The following MALRD1 variants were observed in gnomAD, a reference collection of about 807,000 sequenced individuals.
The protein encoded by MALRD1 is MAM and LDL receptor class A domain containing 1.
A neutral mutation model predicts 242.1 loss-of-function variants in MALRD1; 247 were observed. That is an observed-to-expected ratio of 1.02 (90% confidence interval 0.92 to 1.13). MALRD1 has a LOEUF of 1.13. MALRD1 is among the 50% of genes most tolerant of loss of function. MALRD1 has a pLI of 0.00. For synonymous variants in MALRD1, 995 were observed against 866.6 expected, an observed-to-expected ratio of 1.15 and a Z score of -2.60; for missense variants, 2,989 against 2,533.1, an observed-to-expected ratio of 1.18 and a Z score of -3.86.
chr10:19,404,345 A>T (rs184101105), intron 28 of MALRD1, among the ~76,000 whole-genome samples: 92 of 152,128 alleles, frequency 6.0e-4, no homozygotes, highest in African/African-American at 2.1e-3. Context: ...CGTACTTAAA[A>T]TTTTTTTATG....
At chr10:19,508,953 A>G (rs1833272241) in intron 31 of MALRD1, among the ~76,000 whole-genome samples, 1 of 152,174 alleles carries the variant, frequency 6.6e-6, no homozygotes, top group Admixed American at 6.5e-5. Flanking sequence ...AAATTTACAC[A>G]CTTGCAGCAA....
chr10:19,537,006 A>G (rs1834714428), intron 32 of MALRD1, among the ~76,000 whole-genome samples: 1 of 152,104 alleles, frequency 6.6e-6, no homozygotes, highest in South Asian at 2.1e-4. Flanking sequence ...CTGGAGAAAA[A>G]CTGCTCTAAG....
At chr10:19,104,542 G>A (rs1265285105) in intron 5 of MALRD1, among the ~76,000 whole-genome samples, 2 of 151,804 alleles carry the variant, frequency 1.3e-5, no homozygotes, top group Non-Finnish European at 2.9e-5. Flanking sequence ...TATTTATATT[G>A]TTCCTTTGAT....
chr10:19,209,035 G>A (rs1448480634), intron 17 of MALRD1, among the ~76,000 whole-genome samples: 1 of 152,016 alleles, frequency 6.6e-6, no homozygotes, highest in Admixed American at 6.6e-5. Context: ...GGAAAAAAGT[G>A]TCCAAAGCAA....
chr10:19,366,622 GA>G (rs1845123206), intron 26 of MALRD1, among the ~76,000 whole-genome samples: 1 of 139,650 alleles, frequency 7.2e-6, no homozygotes, highest in African/African-American at 2.5e-5. Flanking sequence ...TTAAATTAAT[GA>G]ATAGCATTTT....
intron 29 of MALRD1, among the ~76,000 whole-genome samples, chr10:19,458,881 G>A (rs1055085936): frequency 2.1e-5 from 3 of 144,714 alleles, no homozygotes; most frequent in Non-Finnish European, 4.5e-5. Context: ...TTTTAGATAT[G>A]TATAGTTGAG....
chr10:19,392,814 C>G (rs4307628), intron 28 of MALRD1, among the ~76,000 whole-genome samples: 133,259 of 152,254 alleles, frequency 0.88, 58,555 homozygotes, highest in African/African-American at 0.92. Flanking sequence ...GTTTTTTGAA[C>G]GAATAACAAT....
At chr10:19,163,450 A>G (rs866370388) in intron 12 of MALRD1, among the ~76,000 whole-genome samples, 1 of 151,204 alleles carries the variant, frequency 6.6e-6, no homozygotes, top group Non-Finnish European at 1.5e-5. Context: ...GGAGCTAAAT[A>G]ATAAGAACAA....
chr10:19,199,182 C>A (rs1041079604), intron 14 of MALRD1, among the ~76,000 whole-genome samples: 118 of 151,760 alleles, frequency 7.8e-4, no homozygotes, highest in African/African-American at 2.8e-3. Flanking sequence ...AAAAAAAAAT[C>A]TTTAAAGGAA....
intron 5 of MALRD1, among the ~76,000 whole-genome samples, chr10:19,117,089 T>A (rs1268624192): frequency 7.0e-6 from 1 of 141,926 alleles, no homozygotes; most frequent in African/African-American, 2.7e-5. Flanking sequence ...AGTGAGACTC[T>A]GTCTCAAAAA....
At chr10:19,552,799 A>G (rs1835545381) in intron 32 of MALRD1, among the ~76,000 whole-genome samples, 1 of 152,106 alleles carries the variant, frequency 6.6e-6, no homozygotes, top group African/African-American at 2.4e-5. Flanking sequence ...CTTATACACA[A>G]TAAACATCAA....
intron 26 of MALRD1, among the ~76,000 whole-genome samples, chr10:19,377,078 A>G (rs1234754954): frequency 6.6e-6 from 1 of 152,222 alleles, no homozygotes; most frequent in East Asian, 1.9e-4. Context: ...AATGCAAACT[A>G]TAACATATTA....
chr10:19,277,156 G>A (rs1262966758), intron 19 of MALRD1, among the ~76,000 whole-genome samples: 1 of 151,966 alleles, frequency 6.6e-6, no homozygotes, highest in African/African-American at 2.4e-5. Context: ...AAAATCCTGA[G>A]TTCAAGTGAT....
intron 36 of MALRD1, among the ~76,000 whole-genome samples, chr10:19,637,956 C>T (rs1215491276): frequency 6.6e-6 from 1 of 151,666 alleles, no homozygotes; most frequent in Non-Finnish European, 1.5e-5. Flanking sequence ...CAAAAATTAG[C>T]CAGGTGTGGT....
chr10:19,134,883 T>C (rs1833273859), intron 9 of MALRD1, among the ~76,000 whole-genome samples: 1 of 152,080 alleles, frequency 6.6e-6, no homozygotes, highest in African/African-American at 2.4e-5. Context: ...GCCTTTGAGA[T>C]CTAAGTTTAA....
At chr10:19,701,810 TCTCTTC>T (rs1284666541) in intron 38 of MALRD1, among the ~76,000 whole-genome samples, 2 of 148,130 alleles carry the variant, frequency 1.4e-5, no homozygotes, top group African/African-American at 5.0e-5. Context: ...CTTTTCTCTT[TCTCTTC>T]TCCATCCCTC....
intron 29 of MALRD1, among the ~76,000 whole-genome samples, chr10:19,469,182 T>C (rs1038789184): frequency 6.6e-6 from 1 of 152,108 alleles, no homozygotes; most frequent in Non-Finnish European, 1.5e-5. Flanking sequence ...TAAAAGAGTA[T>C]TTTTAATATA....
chr10:19,597,272 A>T (rs1339003044), intron 34 of MALRD1, among the ~76,000 whole-genome samples: 1 of 152,218 alleles, frequency 6.6e-6, no homozygotes, highest in Non-Finnish European at 1.5e-5. Flanking sequence ...TAGAAATCAT[A>T]TTAAGTTCAA....
At chr10:19,182,908 AT>A (rs923037610) in intron 14 of MALRD1, among the ~76,000 whole-genome samples, 19 of 152,176 alleles carry the variant, frequency 1.2e-4, no homozygotes, top group Non-Finnish European at 2.1e-4. Context: ...CTTAGTAATT[AT>A]TTCTTTAATC....
Sources: gnomAD v4.1 joint callset for allele counts (sites outside exome capture counted in the v4.1 genomes callset) on GRCh38, gnomAD v4.1.1 for gene constraint, MANE v1.5 for transcripts, NCBI Gene and HGNC (gene_info 2026-07-23, HGNC 2026-07-21) for gene names.